Variants in ELAC2 observed in about 807,000 individuals in gnomAD.
ELAC2 encodes the protein elaC ribonuclease Z 2.
A neutral mutation model predicts 105.2 loss-of-function variants in ELAC2; 92 were observed. The observed-to-expected ratio is 0.87, with a 90% CI of 0.74 to 1.04. The LOEUF (loss-of-function observed/expected upper bound fraction) is 1.04. Ranked by LOEUF, ELAC2 falls within the 50% of genes least tolerant of loss-of-function variation. The probability of loss-of-function intolerance (pLI) is 0.00; values close to 1 mark genes in which losing one functional copy is unlikely to be tolerated. For missense variants in ELAC2, 1,099 were observed against 1,071.7 expected, an observed-to-expected ratio of 1.03 and a Z score of -0.36; for synonymous variants, 468 against 409.1, an observed-to-expected ratio of 1.14 and a Z score of -1.74.
Position 12,996,108 on chromosome 17 carries a change from G to T in ELAC2, c.1660-130C>A, listed in dbSNP as rs1161396447. 3.9e-6 allele frequency: 4 copies of T among 1,013,236 alleles called. No individual in the cohort carries two copies. In the Admixed American group the frequency reaches 8.0e-5, roughly 20 times the overall value. The allele number at this position is 1,013,236 out of a possible 1,614,324, so 62.8% of individuals were successfully genotyped here. A position where few individuals can be genotyped will look rare whatever the true frequency, so the allele number is the denominator to read the frequency against. ...CCCACCAGCCTCTAACACAGCCGCAGTGGGGGTGGCACAGGCCGAGCCCCC... is the reference window on the plus strand; with the variant it reads ...CCCACCAGCCTCTAACACAGCCGCATTGGGGGTGGCACAGGCCGAGCCCCC... On this transcript the variant is annotated intron_variant, in intron 17 of 23. Coordinates refer to ENST00000338034, the MANE Select transcript of ELAC2 (RefSeq NM_018127.7).
chr17:13,004,773 G>A (rs999688930), intron 11 of ELAC2, among the ~76,000 whole-genome samples: 3 of 152,222 alleles, frequency 2.0e-5, no homozygotes, highest in African/African-American at 7.2e-5. Flanking sequence ...GTCCTCAGTT[G>A]TTTCTAGTTT....
In ELAC2 at chr17:13,017,815, T is replaced by A; in HGVS notation, c.133A>T (p.Lys45Ter). 6.2e-7 allele frequency: 1 copy of A among 1,600,978 alleles called. No individual in the cohort carries two copies. The highest frequency in any genetic ancestry group is 1.7e-5 in the Admixed American group (1 of 58,336). ...DPLRHLRTRE[K>*]RGPSGCSGGP... ...CCGGAGCACCCCGACGGTCCGCGCT[T>A]CTCTCGCGTGCGCAGGTGCCGCAGC... Residue 45 changes from lysine (K) to a stop codon, truncating the protein, a stop_gained, in exon 1 of 24, where the codon AAG becomes TAG. Coordinates refer to ENST00000338034, the MANE Select transcript of ELAC2 (RefSeq NM_018127.7). LOFTEE classifies it high-confidence loss of function.
intron 7 of ELAC2, 143 bp downstream of exon 7, chr17:13,011,520 G>A (rs1164139063): frequency 1.4e-5 from 19 of 1,395,408 alleles, no homozygotes; most frequent in African/African-American, 4.3e-5. Context: ...TTCCCCCAAC[G>A]GGCCAAGTTA....
At chr17:12,993,300 T>C (rs1313048482) in intron 23 of ELAC2, among the ~76,000 whole-genome samples, 1 of 152,054 alleles carries the variant, frequency 6.6e-6, no homozygotes, top group Non-Finnish European at 1.5e-5. Flanking sequence ...AAAATCAAGC[T>C]CCTGAAAAAC....
intron 23 of ELAC2, among the ~76,000 whole-genome samples, chr17:12,993,343 G>A (rs151110372): frequency 1.4e-4 from 21 of 152,302 alleles, no homozygotes; most frequent in African/African-American, 4.3e-4. Context: ...CCTTCATTCC[G>A]GAAGGCCAAG....
chr17:13,014,943 T>C (rs964905856), intron 4 of ELAC2, among the ~76,000 whole-genome samples: 5 of 152,182 alleles, frequency 3.3e-5, no homozygotes, highest in African/African-American at 9.6e-5. Context: ...AGTCCTGAAG[T>C]GGCCAGGGAG....
At chr17:12,997,090 C>T (rs1348471246) in intron 16 of ELAC2, among the ~76,000 whole-genome samples, 3 of 152,152 alleles carry the variant, frequency 2.0e-5, no homozygotes, top group Non-Finnish European at 2.9e-5. Flanking sequence ...GGTCCAGCTG[C>T]CATCGGACTT....
intron 1 of ELAC2, 137 bp from the exon 2 acceptor site, chr17:13,017,258 C>A: frequency 2.1e-6 from 2 of 943,390 alleles, no homozygotes; most frequent in Non-Finnish European, 3.3e-6. Context: ...GACTACCGAG[C>A]CACATTTATG....
chr17:13,015,887 CAGG>C, intron 3 of ELAC2, 55 bp from the exon 4 acceptor site: 1 of 1,352,088 alleles, frequency 7.4e-7, no homozygotes, highest in Admixed American at 1.7e-5. Flanking sequence ...TCGTCACTAA[CAGG>C]AGGAGCACCC....
intron 14 of ELAC2, among the ~76,000 whole-genome samples, chr17:13,001,269 G>T (rs1309008178): frequency 6.6e-6 from 1 of 152,040 alleles, no homozygotes; most frequent in African/African-American, 2.4e-5. Context: ...GAGGTGGGTG[G>T]ATCACCTGAG....
At chr17:13,014,598 A>T in intron 4 of ELAC2, 102 bp from the exon 5 acceptor site, 1 of 851,588 alleles carries the variant, frequency 1.2e-6, no homozygotes, top group Non-Finnish European at 2.0e-6. Context: ...AACATAAAAC[A>T]AAGCTTAGTA....
intron 8 of ELAC2, chr17:13,006,392 A>G (rs1254158911): frequency 8.4e-6 from 2 of 238,882 alleles, no homozygotes; most frequent in Non-Finnish European, 1.7e-5. Flanking sequence ...AAAAAATAAA[A>G]TGATGTTGTT....
chr17:13,005,075 A>G lies in ELAC2; in HGVS notation c.897T>C (p.Pro299=), dbSNP rs2041029702. 6.2e-7 allele frequency: 1 copy of G among 1,614,198 alleles called. No homozygotes were observed. Among genetic ancestry groups the G allele is most frequent in the Non-Finnish European group, 8.5e-7 (1 of 1,180,024 alleles). ...REILAEELCT[P]PDPGAAFVVV... ...CCACAAAAGCAGCACCAGGATCTGG[A>G]GGAGTACACAGCTCTTCAGCCAAAA... The change falls in exon 11 of 24, where the codon CCT becomes CCC. Residue 299 remains proline, a synonymous_variant. Transcript: ENST00000338034.
At position 12,995,949 on chromosome 17, in the gene ELAC2, T is replaced by A. The variant is rs751744788; in HGVS notation, c.1689A>T (p.Glu563Asp). The stretch of plus-strand genomic sequence containing the variant: ...CAAGTGCCACACTTACCAAGGCGCG[T>A]TCTCTCTGCAGCAAGATACTTGGCA... Reference protein sequence around the residue: ...TGLPSILLQRERALASLGKPL... With the variant: ...TGLPSILLQRDRALASLGKPL... The change falls in exon 18 of 24, where the codon GAA becomes GAT. Residue 563 changes from glutamate to aspartate, a missense_variant. Physicochemically the swap from Glu to Asp is conservative, Grantham distance 45. Coordinates refer to ENST00000338034, the MANE Select transcript of ELAC2 (RefSeq NM_018127.7). 22 of 1,596,668 alleles carry A rather than the reference T, an allele frequency of 1.4e-5. No homozygotes were observed. The highest frequency in any genetic ancestry group is 1.9e-5 in the Non-Finnish European group (22 of 1,170,232).
rs769454280 is a variant in ELAC2, at chr17:13,015,767, C to T, written c.432+1G>A. The T allele has an allele frequency of 9.9e-6, 16 of 1,612,340 alleles. No individual in the cohort carries two copies. Among genetic ancestry groups the T allele is most frequent in the Non-Finnish European group, 1.4e-5 (16 of 1,178,558 alleles). Reference sequence around the variant, plus strand: ...TGAAAGATGTGTCAGGAAAGACTCACCAGTTGTGGAGGTCCAGAAAGTACA... The same window carrying T: ...TGAAAGATGTGTCAGGAAAGACTCATCAGTTGTGGAGGTCCAGAAAGTACA... On this transcript the variant is annotated splice_donor_variant, in intron 4 of 23. Coordinates refer to ENST00000338034, the MANE Select transcript of ELAC2 (RefSeq NM_018127.7). LOFTEE classifies it high-confidence loss of function.
intron 16 of ELAC2, among the ~76,000 whole-genome samples, chr17:12,996,992 C>A (rs1164465193): frequency 6.6e-6 from 1 of 150,896 alleles, no homozygotes; most frequent in African/African-American, 2.4e-5. Context: ...TTAGTCCTAA[C>A]AATGAATCTG....
At position 13,011,675 on chromosome 17, in the gene ELAC2, G is replaced by A. The variant is rs1335862034; in HGVS notation, c.667C>T (p.His223Tyr). 6.2e-7 allele frequency: 1 copy of A among 1,614,184 alleles called. No individual in the cohort carries two copies. The highest frequency in any genetic ancestry group is 8.5e-7 in the Non-Finnish European group (1 of 1,180,040). ...SDSESNENEPHLPHGVSQRRG... is the reference protein window; with the variant it reads ...SDSESNENEPYLPHGVSQRRG... ...TTTATACTATTACCATGTGGAAGGTGTGGCTCATTTTCATTCGACTCGGAG... is the reference window on the plus strand; with the variant it reads ...TTTATACTATTACCATGTGGAAGGTATGGCTCATTTTCATTCGACTCGGAG... The change falls in exon 7 of 24, where the codon CAC becomes TAC. Residue 223 changes from histidine (H) to tyrosine (Y), a missense_variant. Physicochemically the swap from His to Tyr is moderately conservative, Grantham distance 83. Transcript: ENST00000338034.
intron 6 of ELAC2, among the ~76,000 whole-genome samples, chr17:13,012,265 A>C (rs2041458105): frequency 6.6e-6 from 1 of 152,268 alleles, no homozygotes; most frequent in Non-Finnish European, 1.5e-5. Context: ...GGCAAAACTG[A>C]GCATGTTAAC....
Position 12,992,736 on chromosome 17 carries a change from T to G in ELAC2, c.*82A>C, listed in dbSNP as rs1168254439. On this transcript the variant is annotated 3_prime_UTR_variant, in exon 24 of 24. Transcript: ENST00000338034. The stretch of plus-strand genomic sequence containing the variant: ...TCCTGGGGGACCGTGCTCTTCAGCT[T>G]CTACCAGCAAGGAGGGCAGATACGG... 6.5e-7 allele frequency: 1 copy of G among 1,549,108 alleles called. No individual in the cohort carries two copies. The highest frequency in any genetic ancestry group is 8.9e-7 in the Non-Finnish European group (1 of 1,126,686).
Sources: gnomAD v4.1 joint callset for allele counts (sites outside exome capture counted in the v4.1 genomes callset) on GRCh38, gnomAD v4.1.1 for gene constraint, MANE v1.5 for transcripts, NCBI Gene and HGNC (gene_info 2026-07-23, HGNC 2026-07-21) for gene names.